The following ITLN1 variants were observed in gnomAD, a reference collection of about 807,000 sequenced individuals.
ITLN1 encodes the protein intelectin 1.
In ITLN1, 29 loss-of-function variants were observed where a neutral mutation model predicts 36.2. The observed-to-expected ratio is 0.80, with a 90% CI of 0.60 to 1.09. ITLN1 has a LOEUF of 1.09. ITLN1 is among the 50% of genes least tolerant of loss of function. The probability of loss-of-function intolerance (pLI) is 0.00; values close to 1 mark genes in which losing one functional copy is unlikely to be tolerated. For missense variants in ITLN1, 358 were observed against 405.2 expected, an observed-to-expected ratio of 0.88 and a Z score of 1.00; for synonymous variants, 143 against 146.5, an observed-to-expected ratio of 0.98 and a Z score of 0.17.
intron 4 of ITLN1, 71 bp downstream of exon 4, chr1:160,881,886 C>T: frequency 1.2e-6 from 2 of 1,611,684 alleles, no homozygotes; most frequent in Non-Finnish European, 1.7e-6. Flanking sequence ...CCAGCCATCC[C>T]TCCTGCAGGC....
In ITLN1 at chr1:160,884,858, A is replaced by G. The variant is rs758380112; in HGVS notation, c.20T>C (p.Leu7Pro). ...TCTGGTGGTCGCTATGAGAAACAGC[A>G]GGAAGCTGAGTTGGTTCATTGTAAT... MNQLSF[L>P]LFLIATTRGW... Residue 7 changes from leucine to proline, a missense_variant, in exon 2 of 8, where the codon CTG (leucine) becomes CCG (proline). Transcript: ENST00000326245. 6.2e-7 allele frequency: 1 copy of G among 1,613,306 alleles called. No individual in the cohort carries two copies. Among genetic ancestry groups the G allele is most frequent in the Non-Finnish European group, 8.5e-7 (1 of 1,179,364 alleles).
chr1:160,883,537 C>A lies in ITLN1; in HGVS notation c.59-11G>T. 6.4e-7 allele frequency: 1 copy of A among 1,559,944 alleles called. No individual in the cohort carries two copies. Among genetic ancestry groups the A allele is most frequent in the Non-Finnish European group, 8.8e-7 (1 of 1,131,100 alleles). On this transcript the variant is annotated splice_polypyrimidine_tract_variant and intron_variant, in intron 2 of 7. Coordinates refer to ENST00000326245, the MANE Select transcript of ITLN1 (RefSeq NM_017625.3). Reference sequence around the variant, plus strand: ...AAGTATTAGCCTCATCTAGGGAATACACAGGGTTTATTCTCATTCCCGGTT... The same window carrying A: ...AAGTATTAGCCTCATCTAGGGAATAAACAGGGTTTATTCTCATTCCCGGTT...
intron 4 of ITLN1, among the ~76,000 whole-genome samples, chr1:160,881,719 T>G (rs1302771350): frequency 6.7e-6 from 1 of 150,274 alleles, no homozygotes; most frequent in Non-Finnish European, 1.5e-5. Flanking sequence ...AGAGGATCAC[T>G]TGAACCCAGG....
At chr1:160,879,201 ACGTACACACACACCCCAGT>A in intron 7 of ITLN1, 91 bp downstream of exon 7, 5 of 817,040 alleles carry the variant, frequency 6.1e-6, no homozygotes, top group Non-Finnish European at 1.1e-5. Flanking sequence ...ACTCCCACAC[ACGTACACACACACCCCAGT>A]CATACCACAC....
At chr1:160,878,651 C>T (rs1226722570) in intron 7 of ITLN1, among the ~76,000 whole-genome samples, 1 of 152,156 alleles carries the variant, frequency 6.6e-6, no homozygotes, top group Non-Finnish European at 1.5e-5. Flanking sequence ...TCGCAAAATA[C>T]TGGGATTACA....
At chr1:160,879,255 C>A in intron 7 of ITLN1, 56 bp downstream of exon 7, 2 of 1,250,756 alleles carry the variant, frequency 1.6e-6, no homozygotes, top group Non-Finnish European at 2.4e-6. Context: ...CATACCAACA[C>A]ACACGGACAA....
intron 2 of ITLN1, among the ~76,000 whole-genome samples, chr1:160,884,389 A>G (rs1469595330): frequency 6.6e-6 from 1 of 151,752 alleles, no homozygotes; most frequent in African/African-American, 2.4e-5. Flanking sequence ...GATATTTCGA[A>G]ACAGCCTTTT....
chr1:160,880,473 T>C, intron 6 of ITLN1, 115 bp downstream of exon 6: 2 of 1,057,934 alleles, frequency 1.9e-6, no homozygotes, highest in Non-Finnish European at 2.8e-6. Flanking sequence ...AGTGGGGCAA[T>C]ATAGGGAACA....
Position 160,883,535 on chromosome 1 carries a change from T to C in ITLN1, c.59-9A>G, listed in dbSNP as rs2101910966. On this transcript the variant is annotated splice_polypyrimidine_tract_variant and intron_variant, in intron 2 of 7. Coordinates refer to ENST00000326245, the MANE Select transcript of ITLN1 (RefSeq NM_017625.3). ...GTAAGTATTAGCCTCATCTAGGGAA[T>C]ACACAGGGTTTATTCTCATTCCCGG... The C allele has an allele frequency of 6.4e-7, 1 of 1,572,070 alleles. No individual in the cohort carries two copies. Among genetic ancestry groups the C allele is most frequent in the East Asian group, 2.2e-5 (1 of 44,606 alleles).
At chr1:160,881,480 G>T (rs904642649) in intron 4 of ITLN1, 168 bp from the exon 5 acceptor site, 41 of 693,540 alleles carry the variant, frequency 5.9e-5, no homozygotes, top group Non-Finnish European at 8.0e-5. Flanking sequence ...CACACCCAGG[G>T]CCCTAACAGC....
intron 3 of ITLN1, among the ~76,000 whole-genome samples, chr1:160,882,972 C>T (rs532443628): frequency 6.6e-5 from 10 of 152,170 alleles, no homozygotes; most frequent in East Asian, 1.9e-4. Flanking sequence ...TGAGTTCAAG[C>T]GATCCTCCCA....
rs1557856837 is a variant in ITLN1 at position 160,883,434 on chromosome 1, C to A, written c.151G>T (p.Ala51Ser). The A allele has an allele frequency of 1.2e-6, 2 of 1,609,072 alleles. No homozygotes were observed. Among genetic ancestry groups the A allele is most frequent in the Non-Finnish European group, 1.7e-6 (2 of 1,175,474 alleles). ...TGAATGTTTCATCACTCACCAAATGCACTAGGACATTCGTCTTTGATTTCC... is the reference window on the plus strand; with the variant it reads ...TGAATGTTTCATCACTCACCAAATGAACTAGGACATTCGTCTTTGATTTCC... ...CKEIKDECPS[A>S]FDGLYFLRTE... The change falls in exon 3 of 8, where the codon GCA becomes TCA. Residue 51 changes from alanine (A) to serine (S), a missense_variant. Ala to Ser is a moderately conservative substitution (Grantham distance 99). Coordinates refer to ENST00000326245, the MANE Select transcript of ITLN1 (RefSeq NM_017625.3).
At position 160,884,280 on chromosome 1, in the gene ITLN1, G is replaced by A. The variant is rs143710524; in HGVS notation, c.58+540C>T. 4.3e-3 allele frequency among the ~76,000 whole-genome samples: 653 copies of A among 152,290 alleles called. 9 individuals carry two copies. Among genetic ancestry groups the A allele is most frequent in the African/African-American group, 0.015 (610 of 41,562 alleles). On this transcript the variant is annotated intron_variant, in intron 2 of 7. Coordinates refer to ENST00000326245, the MANE Select transcript of ITLN1 (RefSeq NM_017625.3). Reference sequence around the variant, plus strand: ...AAAAAGTCTGCAAACTATTCGAACAGTCTAGGGGAAAGCTGTGAGGTCAGA... The same window carrying A: ...AAAAAGTCTGCAAACTATTCGAACAATCTAGGGGAAAGCTGTGAGGTCAGA...
intron 2 of ITLN1, 49 bp downstream of exon 2, chr1:160,884,771 C>T (rs1165612651): frequency 6.0e-6 from 8 of 1,326,560 alleles, no homozygotes; most frequent in East Asian, 2.3e-5. Flanking sequence ...ACCAGGATCC[C>T]GGAAGTCATC....
intron 2 of ITLN1, among the ~76,000 whole-genome samples, chr1:160,883,800 C>G (rs1171140347): frequency 6.6e-6 from 1 of 152,150 alleles, no homozygotes; most frequent in African/African-American, 2.4e-5. Context: ...TGGGTCCTGC[C>G]CTAAGCACTG....
At chr1:160,881,345 C>T (rs1670675194) in intron 4 of ITLN1, 33 bp from the exon 5 acceptor site, 3 of 1,524,438 alleles carry the variant, frequency 2.0e-6, no homozygotes, top group Non-Finnish European at 2.6e-6. Flanking sequence ...CCTGACTGGG[C>T]CAGGAGGTCC....
chr1:160,877,990 G>T (rs913430215), intron 7 of ITLN1, among the ~76,000 whole-genome samples: 8 of 152,264 alleles, frequency 5.3e-5, no homozygotes, highest in African/African-American at 1.9e-4. Context: ...CCAACATGGA[G>T]AAACCCCATC....
chr1:160,883,095 T>C (rs1485024980), intron 3 of ITLN1, among the ~76,000 whole-genome samples: 2 of 152,168 alleles, frequency 1.3e-5, no homozygotes, highest in African/African-American at 2.4e-5. Flanking sequence ...TTCAAACTCC[T>C]GGCCTCAACT....
In ITLN1 at chr1:160,882,216, A is replaced by G; in HGVS notation, c.158-12T>C. 6.4e-7 allele frequency: 1 copy of G among 1,561,226 alleles called. No individual in the cohort carries two copies. On this transcript the variant is annotated splice_polypyrimidine_tract_variant and intron_variant, in intron 3 of 7. Transcript: ENST00000326245. ...AAAATACAGGCCATCTGTAGAGAGA[A>G]CCAGCCCAGAGCCTCCCTGTCTGAG...
Sources: gnomAD v4.1 joint callset for allele counts (sites outside exome capture counted in the v4.1 genomes callset) on GRCh38, gnomAD v4.1.1 for gene constraint, MANE v1.5 for transcripts, NCBI Gene and HGNC (gene_info 2026-07-23, HGNC 2026-07-21) for gene names.